MAP7: variants seen among roughly 807,000 people sequenced by gnomAD.
MAP7 encodes the protein ensconsin.
MAP7 carries 52 observed loss-of-function variants against 94.8 expected under a neutral mutation model. The ratio of observed to expected loss-of-function variants is 0.55; its 90% CI spans 0.44 to 0.69. MAP7 has a LOEUF of 0.69. Among genes scored for constraint, MAP7 ranks in the 30% least tolerant of loss-of-function variants. The pLI is 0.00. For missense variants in MAP7, 940 were observed against 964.6 expected (o/e 0.97, Z 0.34); for synonymous variants, 350 against 357.0 (o/e 0.98, Z 0.22).
At chr6:136,528,666 C>A (rs1434388838) in intron 1 of MAP7, among the ~76,000 whole-genome samples, 1 of 152,138 alleles carries the variant, frequency 6.6e-6, no homozygotes, top group Admixed American at 6.5e-5. Flanking sequence ...GTTTGTCACC[C>A]AAATACAGCT....
At chr6:136,470,844 GA>G (rs3040713) in intron 1 of MAP7, among the ~76,000 whole-genome samples, 6 of 149,148 alleles carry the variant, frequency 4.0e-5, no homozygotes, top group South Asian at 2.1e-4. Context: ...CACTTCCTCT[GA>G]AAAAAAAAAT....
intron 16 of MAP7, among the ~76,000 whole-genome samples, chr6:136,353,833 G>C (rs1253219763): frequency 6.6e-6 from 1 of 152,110 alleles, no homozygotes; most frequent in Admixed American, 6.6e-5. Flanking sequence ...GATTACAGGC[G>C]TAAGCCACCA....
chr6:136,361,984 G>GTA (rs1313840533), intron 11 of MAP7, among the ~76,000 whole-genome samples: 7 of 152,138 alleles, frequency 4.6e-5, no homozygotes, highest in African/African-American at 1.7e-4. Context: ...GTATATGTAT[G>GTA]TATATATACA....
chr6:136,460,580 G>C (rs993630259), intron 1 of MAP7, among the ~76,000 whole-genome samples: 1 of 152,106 alleles, frequency 6.6e-6, no homozygotes, highest in Non-Finnish European at 1.5e-5. Context: ...CTGCCCTGTA[G>C]TTTTTCATTT....
chr6:136,458,130 A>G (rs576032933), intron 1 of MAP7, among the ~76,000 whole-genome samples: 69 of 152,306 alleles, frequency 4.5e-4, no homozygotes, highest in African/African-American at 1.6e-3. Context: ...GCATTTCTAC[A>G]TACTATCAAC....
intron 1 of MAP7, among the ~76,000 whole-genome samples, chr6:136,446,229 A>C (rs1234645175): frequency 6.6e-6 from 1 of 152,026 alleles, no homozygotes; most frequent in Non-Finnish European, 1.5e-5. Flanking sequence ...GAAGATTGTC[A>C]TCAGAGGTGG....
intron 1 of MAP7, among the ~76,000 whole-genome samples, chr6:136,491,258 T>C (rs1816506970): frequency 6.6e-6 from 1 of 152,170 alleles, no homozygotes; most frequent in Non-Finnish European, 1.5e-5. Flanking sequence ...AACATGAAAT[T>C]GTCATGTTAG....
At chr6:136,549,877 G>A (rs999791350) in intron 1 of MAP7, among the ~76,000 whole-genome samples, 2 of 152,212 alleles carry the variant, frequency 1.3e-5, no homozygotes, top group Non-Finnish European at 2.9e-5. Context: ...AGGAGCCCCC[G>A]GCACCCGGGG....
intron 1 of MAP7, among the ~76,000 whole-genome samples, chr6:136,538,461 A>G (rs986207629): frequency 1.3e-5 from 2 of 152,098 alleles, no homozygotes; most frequent in Non-Finnish European, 1.5e-5. Flanking sequence ...AACATAACCT[A>G]TGTGGCAATA....
chr6:136,533,660 T>C (rs1030259270), intron 1 of MAP7, among the ~76,000 whole-genome samples: 1 of 152,202 alleles, frequency 6.6e-6, no homozygotes, highest in Non-Finnish European at 1.5e-5. Context: ...TTTGCTTCTG[T>C]TGAGGGCTCA....
At chr6:136,443,866 G>A (rs1798584722) in intron 1 of MAP7, among the ~76,000 whole-genome samples, 1 of 152,204 alleles carries the variant, frequency 6.6e-6, no homozygotes, top group East Asian at 1.9e-4. Flanking sequence ...CACTGCTCCT[G>A]TAGAAGCGCC....
intron 15 of MAP7, among the ~76,000 whole-genome samples, chr6:136,359,146 A>T (rs573966000): frequency 6.6e-6 from 1 of 152,056 alleles, no homozygotes; most frequent in Non-Finnish European, 1.5e-5. Context: ...AATACATTTG[A>T]CTTATAATCT....
intron 5 of MAP7, 102 bp from the exon 6 acceptor site, chr6:136,383,883 C>T (rs1199717640): frequency 1.4e-6 from 1 of 703,816 alleles, no homozygotes; most frequent in East Asian, 2.9e-5. Context: ...GCTTTCTGCT[C>T]TATTTCTAGA....
chr6:136,542,763 A>C (rs1181064251), intron 1 of MAP7, among the ~76,000 whole-genome samples: 2 of 152,212 alleles, frequency 1.3e-5, no homozygotes, highest in African/African-American at 4.8e-5. Flanking sequence ...ATGAAGGAGA[A>C]TAAAGATATT....
At chr6:136,503,677 T>G (rs928146802) in intron 1 of MAP7, among the ~76,000 whole-genome samples, 4 of 152,252 alleles carry the variant, frequency 2.6e-5, no homozygotes, top group African/African-American at 9.6e-5. Context: ...AACCAATGTT[T>G]AATTTTGCTA....
At chr6:136,500,018 A>C (rs1008087429) in intron 1 of MAP7, among the ~76,000 whole-genome samples, 1 of 151,364 alleles carries the variant, frequency 6.6e-6, no homozygotes, top group African/African-American at 2.5e-5. Context: ...ACAAACAAAA[A>C]CAGTTGAGTG....
intron 3 of MAP7, among the ~76,000 whole-genome samples, chr6:136,409,214 CA>C (rs2128733043): frequency 6.6e-6 from 1 of 151,898 alleles, no homozygotes; most frequent in East Asian, 1.9e-4. Context: ...TTTAACATGG[CA>C]GGGGTAAGAA....
intron 1 of MAP7, among the ~76,000 whole-genome samples, chr6:136,493,121 CTTTTTTTTTTT>C (rs397795796): frequency 8.1e-6 from 1 of 123,342 alleles, no homozygotes; most frequent in Non-Finnish European, 1.7e-5. Context: ...TTCTTCTTTC[CTTTTTTTTTTT>C]TTTTTTTTGA....
chr6:136,414,046 G>A (rs1214390658), intron 2 of MAP7, among the ~76,000 whole-genome samples: 1 of 151,408 alleles, frequency 6.6e-6, no homozygotes, highest in Non-Finnish European at 1.5e-5. Context: ...TCAGGAGATC[G>A]AGACCATCCT....
Sources: allele counts gnomAD v4.1 joint callset (sites outside exome capture counted in the v4.1 genomes callset), GRCh38; gene constraint gnomAD v4.1.1; transcripts MANE v1.5; gene names NCBI Gene and HGNC (gene_info 2026-07-23, HGNC 2026-07-21).